The following GPR160 variants were observed in gnomAD, a reference collection of about 807,000 sequenced individuals.
The protein encoded by GPR160 is probable G protein-coupled receptor 160.
A neutral mutation model predicts 2.6 loss-of-function variants in GPR160; 2 were observed. The ratio of observed to expected loss-of-function variants is 0.77; its 90% CI spans 0.32 to 2.44. GPR160 has a LOEUF of 2.44. Ranked by LOEUF, GPR160 falls within the 30% of genes most tolerant of loss-of-function variation. The pLI is 0.11. For missense variants in GPR160, 351 were observed against 383.6 expected, an observed-to-expected ratio of 0.91 and a Z score of 0.71; for synonymous variants, 130 against 132.2, an observed-to-expected ratio of 0.98 and a Z score of 0.12.
At chr3:170,051,937 T>C (rs1193986782) in intron 2 of GPR160, among the ~76,000 whole-genome samples, 2 of 152,184 alleles carry the variant, frequency 1.3e-5, no homozygotes, top group Non-Finnish European at 2.9e-5. Flanking sequence ...TGTTTTGTTA[T>C]GTTTTTGAGA....
chr3:170,039,623 C>G (rs1473188582), intron 2 of GPR160, among the ~76,000 whole-genome samples: 1 of 152,152 alleles, frequency 6.6e-6, no homozygotes, highest in Admixed American at 6.6e-5. Flanking sequence ...GTAGGAGAAT[C>G]GCTTGAACCC....
intron 2 of GPR160, among the ~76,000 whole-genome samples, chr3:170,065,202 CATTACA>C (rs1342380523): frequency 1.1e-4 from 17 of 152,108 alleles, no homozygotes; most frequent in African/African-American, 3.6e-4. Flanking sequence ...GAGTATCGTA[CATTACA>C]ATTACATTTC....
chr3:170,064,527 T>C (rs1258606793), intron 2 of GPR160, among the ~76,000 whole-genome samples: 1 of 142,300 alleles, frequency 7.0e-6, no homozygotes, highest in Non-Finnish European at 1.5e-5. Flanking sequence ...TTTTTTTTTT[T>C]TTTTTTTTTG....
At chr3:170,081,873 A>G (rs187610242) in intron 3 of GPR160, among the ~76,000 whole-genome samples, 26 of 152,000 alleles carry the variant, frequency 1.7e-4, no homozygotes, top group African/African-American at 5.8e-4. Flanking sequence ...ATGGACTCCA[A>G]CTCCATCCAT....
intron 2 of GPR160, among the ~76,000 whole-genome samples, chr3:170,072,639 A>C (rs115962403): frequency 2.4e-3 from 372 of 152,198 alleles, no homozygotes; most frequent in African/African-American, 8.6e-3. Context: ...TCACATGGTG[A>C]GACAGGGAGC....
chr3:170,041,785 G>A (rs1430961384), intron 2 of GPR160, among the ~76,000 whole-genome samples: 2 of 152,162 alleles, frequency 1.3e-5, no homozygotes, highest in Non-Finnish European at 2.9e-5. Context: ...GTATGCAACC[G>A]TCACGTAACT....
intron 2 of GPR160, among the ~76,000 whole-genome samples, chr3:170,068,344 T>C (rs1177387010): frequency 6.6e-6 from 1 of 151,932 alleles, no homozygotes; most frequent in Non-Finnish European, 1.5e-5. Flanking sequence ...TAGTAGAGAT[T>C]GGGTTTTTCC....
intron 2 of GPR160, chr3:170,057,947 A>T (rs1383593286): frequency 6.6e-6 from 1 of 152,238 alleles, no homozygotes; most frequent in Non-Finnish European, 1.5e-5. Flanking sequence ...GAAGACATAG[A>T]TATGGAGTTC....
chr3:170,060,837 A>AACG (rs2108326450), intron 2 of GPR160, among the ~76,000 whole-genome samples: 2 of 152,088 alleles, frequency 1.3e-5, no homozygotes, highest in South Asian at 4.2e-4. Context: ...GTGACCTAAC[A>AACG]TCACATGACC....
intron 2 of GPR160, among the ~76,000 whole-genome samples, chr3:170,047,813 G>A (rs1716788984): frequency 6.6e-6 from 1 of 150,594 alleles, no homozygotes; most frequent in South Asian, 2.1e-4. Flanking sequence ...CAGCAACTTG[G>A]ATGGAACTGA....
chr3:170,076,511 G>C (rs1712856321), intron 2 of GPR160, among the ~76,000 whole-genome samples: 1 of 151,928 alleles, frequency 6.6e-6, no homozygotes, highest in Non-Finnish European at 1.5e-5. Context: ...TACAGTCACT[G>C]TTACTTGAAT....
chr3:170,062,166 G>A (rs115365506), intron 2 of GPR160: 4,538 of 153,778 alleles, frequency 0.03, 94 homozygotes, highest in Middle Eastern at 0.082. Flanking sequence ...AGCGGCAGGA[G>A]GGGGACATCG....
intron 2 of GPR160, among the ~76,000 whole-genome samples, chr3:170,044,782 C>T (rs1415665687): frequency 6.6e-6 from 1 of 152,172 alleles, no homozygotes; most frequent in Non-Finnish European, 1.5e-5. Flanking sequence ...AAGGGCCCCT[C>T]TCCCCCATCC....
At chr3:170,045,494 G>A (rs1050726083) in intron 2 of GPR160, among the ~76,000 whole-genome samples, 18 of 146,628 alleles carry the variant, frequency 1.2e-4, no homozygotes, top group Admixed American at 4.9e-4. Flanking sequence ...CCAGCTACTC[G>A]GGAGGAGACT....
Position 170,079,781 on chromosome 3 carries a change from TCA to T in GPR160, c.-182_-181del, listed in dbSNP as rs1713035656. ...TTTCTATCTTTCACACAGAGCTTAC[TCA>T]CATAGCATATTGGTATATCAAAATG... On this transcript the variant is annotated 5_prime_UTR_variant, in exon 3 of 4. The change abolishes the stop of an existing upstream ORF in the 5' untranslated region. Transcript: ENST00000355897. 1 of 152,212 alleles carries T rather than the reference TCA, an allele frequency of 6.6e-6. No individual in the cohort carries two copies. The highest frequency in any genetic ancestry group is 1.9e-4 in the East Asian group (1 of 5,202). 9.4% of individuals were successfully genotyped at this position (152,212 alleles called of 1,614,324 possible). A position where few individuals can be genotyped will look rare whatever the true frequency, so the allele number is the denominator to read the frequency against.
At chr3:170,063,846 C>T (rs1712134189) in intron 2 of GPR160, among the ~76,000 whole-genome samples, 3 of 152,140 alleles carry the variant, frequency 2.0e-5, no homozygotes, top group South Asian at 4.1e-4. Context: ...TGGCCCTGAG[C>T]GCGGGCCGGC....
At chr3:170,060,787 TAAA>T (rs1711898198) in intron 2 of GPR160, among the ~76,000 whole-genome samples, 2 of 151,680 alleles carry the variant, frequency 1.3e-5, no homozygotes, top group African/African-American at 2.4e-5. Context: ...ATACTAATAA[TAAA>T]AAGAAAAAGA....
chr3:170,078,898 G>A (rs1285891715), intron 2 of GPR160, among the ~76,000 whole-genome samples: 1 of 152,098 alleles, frequency 6.6e-6, no homozygotes, highest in East Asian at 1.9e-4. Flanking sequence ...AGGCCGGAAG[G>A]CTCTACATAG....
At chr3:170,041,871 T>A (rs535826518) in intron 2 of GPR160, among the ~76,000 whole-genome samples, 1 of 152,234 alleles carries the variant, frequency 6.6e-6, no homozygotes, top group African/African-American at 2.4e-5. Context: ...GGCCCTTTAG[T>A]GACCAAACTA....
Sources: allele counts gnomAD v4.1 joint callset (sites outside exome capture counted in the v4.1 genomes callset), GRCh38; gene constraint gnomAD v4.1.1; transcripts MANE v1.5; gene names NCBI Gene and HGNC (gene_info 2026-07-23, HGNC 2026-07-21).